STK39: variants seen among roughly 807,000 people sequenced by gnomAD.
STK39 encodes the protein serine/threonine kinase 39.
A neutral mutation model predicts 77.8 loss-of-function variants in STK39; 20 were observed. The ratio of observed to expected loss-of-function variants is 0.26; its 90% CI spans 0.18 to 0.37. The LOEUF (loss-of-function observed/expected upper bound fraction) is 0.37. STK39 is among the 10% of genes least tolerant of loss of function. STK39 has a pLI of 1.00. For missense variants in STK39, 479 were observed against 656.5 expected, an observed-to-expected ratio of 0.73 and a Z score of 2.95; for synonymous variants, 246 against 234.1, an observed-to-expected ratio of 1.05 and a Z score of -0.47.
intron 1 of STK39, among the ~76,000 whole-genome samples, chr2:168,182,398 T>C (rs1017274424): frequency 2.0e-5 from 3 of 152,112 alleles, no homozygotes; most frequent in African/African-American, 7.2e-5. Context: ...CTAGCTTGAG[T>C]GCCTTTAAAA....
chr2:167,964,743 TAGAG>T lies in STK39; in HGVS notation c.1499-21_1499-18del. ...TAGCAGCCACTGTAAAATATAAACGTAGAGAGAAAGTTTCCAGATTATTTCCAAT... is the reference window on the plus strand; with the variant it reads ...TAGCAGCCACTGTAAAATATAAACGTAGAAAGTTTCCAGATTATTTCCAAT... On this transcript the variant is annotated intron_variant, in intron 16 of 17. Transcript: ENST00000355999. 1 of 1,598,326 alleles carries T rather than the reference TAGAG, an allele frequency of 6.3e-7. No homozygotes were observed. The highest frequency in any genetic ancestry group is 1.1e-5 in the South Asian group (1 of 87,938).
intron 2 of STK39, among the ~76,000 whole-genome samples, chr2:168,170,121 C>T (rs1219471270): frequency 6.6e-6 from 1 of 152,186 alleles, no homozygotes; most frequent in Non-Finnish European, 1.5e-5. Context: ...AATATTTCCA[C>T]ATAGAAGAAA....
chr2:167,963,478 A>C (rs959840424), intron 17 of STK39, among the ~76,000 whole-genome samples: 8 of 152,034 alleles, frequency 5.3e-5, no homozygotes, highest in Non-Finnish European at 8.8e-5. Context: ...ATTGGCTTGA[A>C]ATGCTGACAC....
chr2:168,103,778 T>C (rs1156267963), intron 10 of STK39, among the ~76,000 whole-genome samples: 1 of 152,240 alleles, frequency 6.6e-6, no homozygotes, highest in Non-Finnish European at 1.5e-5. Flanking sequence ...AGGCTCAACA[T>C]TTCTGTAAAC....
chr2:168,158,372 CTA>C (rs1384336595), intron 5 of STK39, among the ~76,000 whole-genome samples: 10 of 152,092 alleles, frequency 6.6e-5, no homozygotes, highest in Admixed American at 6.5e-4. Context: ...GAGCTTAATT[CTA>C]TACCAAATGA....
At position 168,247,419 on chromosome 2, in the gene STK39, C is replaced by G. The variant is rs573383297; in HGVS notation, c.17G>C (p.Gly6Ala). Residue 6 changes from glycine (G) to alanine (A), a missense_variant, in exon 1 of 18, where the codon GGC becomes GCC. Transcript: ENST00000355999. Reference protein sequence around the residue: MAEPSGSPVHVQLPQQ... With the variant: MAEPSASPVHVQLPQQ... ...GGGAAGCTGGACGTGCACGGGCGAG[C>G]CGCTCGGCTCCGCCATGATGCTGCG... 114 of 1,230,124 alleles carry G rather than the reference C, an allele frequency of 9.3e-5. 1 individual carries two copies. The East Asian group carries it at 3.7e-3, about 40-fold the overall frequency. 76.2% of individuals were successfully genotyped at this position (1,230,124 alleles called of 1,614,324 possible).
At chr2:167,959,878 A>G (rs138161167) in intron 17 of STK39, among the ~76,000 whole-genome samples, 10 of 152,266 alleles carry the variant, frequency 6.6e-5, no homozygotes, top group African/African-American at 2.4e-4. Context: ...CTTTACACCA[A>G]CGTCAACACA....
At chr2:168,152,733 T>C (rs147088826) in intron 5 of STK39, among the ~76,000 whole-genome samples, 4 of 152,324 alleles carry the variant, frequency 2.6e-5, no homozygotes, top group Non-Finnish European at 2.9e-5. Flanking sequence ...AAGTATATTA[T>C]ACAGGTATTA....
At chr2:168,180,859 T>G (rs1330721902) in intron 2 of STK39, among the ~76,000 whole-genome samples, 1 of 152,206 alleles carries the variant, frequency 6.6e-6, no homozygotes, top group Non-Finnish European at 1.5e-5. Flanking sequence ...TAGCCGGCAA[T>G]CCATTGCTTC....
intron 12 of STK39, among the ~76,000 whole-genome samples, chr2:168,068,140 A>T (rs144791983): frequency 2.6e-5 from 4 of 152,342 alleles, no homozygotes; most frequent in African/African-American, 9.6e-5. Context: ...GGTCCCTCCC[A>T]TGACATGTAG....
chr2:168,242,572 T>A (rs1383888042), intron 1 of STK39, among the ~76,000 whole-genome samples: 35,623 of 67,902 alleles, frequency 0.52, 10,614 homozygotes, highest in East Asian at 0.62. Context: ...TATATATATA[T>A]ATATATATAT....
chr2:168,096,305 A>G (rs1043130108), intron 10 of STK39, among the ~76,000 whole-genome samples: 3 of 152,216 alleles, frequency 2.0e-5, no homozygotes, highest in Non-Finnish European at 4.4e-5. Context: ...AGGCCTCTGC[A>G]TGAGACTTTG....
Position 168,075,141 on chromosome 2 carries a change from C to T in STK39, c.1180G>A (p.Glu394Lys), listed in dbSNP as rs199943116. Residue 394 changes from glutamate to lysine, a missense_variant, in exon 11 of 18, where the codon GAA becomes AAA. Physicochemically the swap from Glu to Lys is moderately conservative, Grantham distance 56 (BLOSUM62 1). Transcript: ENST00000355999. ...TGAGAAAAAGCTGCTTTCCCTTCTT[C>T]GCTCTTCTCATCCATCTCGTCGTCA... Reference protein sequence around the residue: ...WSDDEMDEKSEEGKAAFSQEK... With the variant: ...WSDDEMDEKSKEGKAAFSQEK... 2.8e-5 allele frequency: 46 copies of T among 1,614,072 alleles called. No individual in the cohort carries two copies. The highest frequency in any genetic ancestry group is 2.2e-5 in the East Asian group (1 of 44,894).
At chr2:168,102,929 CAAAAAAAAAAAAAA>C in intron 10 of STK39, among the ~76,000 whole-genome samples, 1 of 50,086 alleles carries the variant, frequency 2.0e-5, no homozygotes, top group South Asian at 1.0e-3. Context: ...GAATCCGTCT[CAAAAAAAAAAAAAA>C]AAAAAAAAAA....
At chr2:168,100,589 G>A (rs937156682) in intron 10 of STK39, among the ~76,000 whole-genome samples, 2 of 152,128 alleles carry the variant, frequency 1.3e-5, no homozygotes, top group Non-Finnish European at 2.9e-5. Flanking sequence ...TTAAACTAAA[G>A]AGCTTCTGCA....
At chr2:167,998,597 C>T (rs1683912492) in intron 16 of STK39, among the ~76,000 whole-genome samples, 2 of 149,608 alleles carry the variant, frequency 1.3e-5, no homozygotes, top group Admixed American at 6.7e-5. Context: ...AGAAGATGCC[C>T]GTGATTAATG....
At chr2:168,208,301 T>C (rs942484193) in intron 1 of STK39, among the ~76,000 whole-genome samples, 8 of 152,172 alleles carry the variant, frequency 5.3e-5, no homozygotes, top group Non-Finnish European at 1.0e-4. Context: ...TTGGACTATA[T>C]AACCCTAAAA....
intron 14 of STK39, among the ~76,000 whole-genome samples, chr2:168,046,868 T>C (rs1685257185): frequency 6.6e-6 from 1 of 152,254 alleles, no homozygotes; most frequent in Non-Finnish European, 1.5e-5. Flanking sequence ...AGGAAAATTA[T>C]GGCCTAATGC....
At position 167,972,923 on chromosome 2, in the gene STK39, G is replaced by A. The variant is rs1692389617; in HGVS notation, c.1499-8197C>T. 2.6e-5 allele frequency among the ~76,000 whole-genome samples: 4 copies of A among 152,106 alleles called. No individual in the cohort carries two copies. The South Asian group carries it at 8.3e-4, about 31-fold the overall frequency. ...AAACAAGACCCTTAATTTTTGGGCA[G>A]CTGTTTTGCCTTCCAGCTGTGCCTG... On this transcript the variant is annotated intron_variant, in intron 16 of 17. Coordinates refer to ENST00000355999, the MANE Select transcript of STK39 (RefSeq NM_013233.3).
Sources: allele counts gnomAD v4.1 joint callset (sites outside exome capture counted in the v4.1 genomes callset), GRCh38; gene constraint gnomAD v4.1.1; transcripts MANE v1.5; gene names NCBI Gene and HGNC (gene_info 2026-07-23, HGNC 2026-07-21).